SLAIN1: variants seen among roughly 807,000 people sequenced by gnomAD.
The protein encoded by SLAIN1 is SLAIN family member 1.
Under a neutral mutation model 55.4 loss-of-function variants are expected in SLAIN1, and 17 were observed. The observed-to-expected ratio is 0.31, with a 90% CI of 0.21 to 0.46. SLAIN1 has a LOEUF of 0.46. Among genes scored for constraint, SLAIN1 ranks in the 20% least tolerant of loss-of-function variants. The pLI is 1.00. For synonymous variants in SLAIN1, 348 were observed against 337.4 expected, an observed-to-expected ratio of 1.03 and a Z score of -0.35; for missense variants, 682 against 785.1, an observed-to-expected ratio of 0.87 and a Z score of 1.57.
At chr13:77,705,742 A>C (rs1363925095) in intron 1 of SLAIN1, among the ~76,000 whole-genome samples, 1 of 150,594 alleles carries the variant, frequency 6.6e-6, no homozygotes, top group Non-Finnish European at 1.5e-5. Context: ...AGTTTTTTGT[A>C]TTATCTGCAA....
At chr13:77,737,137 C>T (rs112651606) in intron 2 of SLAIN1, among the ~76,000 whole-genome samples, 2 of 152,044 alleles carry the variant, frequency 1.3e-5, no homozygotes, top group African/African-American at 2.4e-5. Context: ...TCTCCATGTG[C>T]GATGGCATCA....
intron 2 of SLAIN1, among the ~76,000 whole-genome samples, chr13:77,727,948 T>G (rs2091323331): frequency 6.6e-6 from 1 of 152,194 alleles, no homozygotes; most frequent in Admixed American, 6.5e-5. Flanking sequence ...CTACTTATAC[T>G]TCATAGAAAA....
At chr13:77,724,031 A>C (rs779352077) in intron 2 of SLAIN1, among the ~76,000 whole-genome samples, 3 of 152,116 alleles carry the variant, frequency 2.0e-5, no homozygotes, top group Non-Finnish European at 4.4e-5. Flanking sequence ...GCATCAGTGA[A>C]CAGCACAGGT....
In SLAIN1 at chr13:77,697,974, C is replaced by A; in HGVS notation, c.61C>A (p.Pro21Thr). ...AGVSSGAGSG[P>T]VVNAELEVKK... is the part of the protein sequence containing the mutation. ...GGTCAGCTCTGGAGCGGGCTCCGGG[C>A]CGGTGGTGAACGCGGAGCTGGAGGT... The change falls in exon 1 of 7, where the codon CCG becomes ACG. Residue 21 changes from proline (P) to threonine (T), a missense_variant. By Grantham distance (38) the Pro-to-Thr change is conservative. Around this residue, in one of 3 missense-constraint regions of SLAIN1, gnomAD observed 401 missense variants for 417.3 expected, o/e 0.96. Coordinates refer to ENST00000418532, the MANE Select transcript of SLAIN1 (RefSeq NM_001242868.2). 6.9e-7 allele frequency: 1 copy of A among 1,449,944 alleles called. No homozygotes were observed. The highest frequency in any genetic ancestry group is 1.3e-5 in the South Asian group (1 of 77,520). The allele number at this position is 1,449,944 out of a possible 1,614,324, so 89.8% of individuals were successfully genotyped here.
At chr13:77,703,390 C>T (rs951213095) in intron 1 of SLAIN1, among the ~76,000 whole-genome samples, 4 of 152,078 alleles carry the variant, frequency 2.6e-5, no homozygotes, top group Admixed American at 2.6e-4. Flanking sequence ...AATTAGACCA[C>T]CTAAACTGTT....
chr13:77,760,802 C>T, intron 5 of SLAIN1, 26 bp from the exon 6 acceptor site: 1 of 1,607,744 alleles, frequency 6.2e-7, no homozygotes, highest in Non-Finnish European at 8.5e-7. Flanking sequence ...GAAGGTTGCT[C>T]ACATGAATAT....
At position 77,698,957 on chromosome 13, in the gene SLAIN1, C is replaced by T; in HGVS notation, c.626+418C>T. On this transcript the variant is annotated intron_variant, in intron 1 of 6. Coordinates refer to ENST00000418532, the MANE Select transcript of SLAIN1 (RefSeq NM_001242868.2). This position sits in a 1 kb window ranked among gnomAD's most constrained non-coding sequence, Gnocchi z 4.1. ...GGTTGGCCTCTGTCTGCGACTGTTA[C>T]TGTTCTTTCGTTTTAAACGAACGCT... 9 of 1,534,324 alleles carry T rather than the reference C, an allele frequency of 5.9e-6. No homozygotes were observed. The highest frequency in any genetic ancestry group is 1.2e-5 in the South Asian group (1 of 83,976).
At chr13:77,719,510 A>T (rs1187458086) in intron 1 of SLAIN1, 22 bp from the exon 2 acceptor site, 1 of 1,587,842 alleles carries the variant, frequency 6.3e-7, no homozygotes. Flanking sequence ...TCATACCTAT[A>T]ATGTAGATTT....
chr13:77,719,596 T>G lies in SLAIN1; in HGVS notation c.691T>G (p.Cys231Gly). The G allele has an allele frequency of 1.2e-6, 2 of 1,613,516 alleles. No individual in the cohort carries two copies. The highest frequency in any genetic ancestry group is 2.2e-5 in the South Asian group (2 of 91,060). Reference protein sequence around the residue: ...SEKSLTPLQWCRHVLDNPTPE... With the variant: ...SEKSLTPLQWGRHVLDNPTPE... ...GAAATCCCTGACTCCTTTGCAGTGG[T>G]GTAGACATGTCCTAGATAACCCAAC... The change falls in exon 2 of 7, where the codon TGT (cysteine) becomes GGT (glycine). Residue 231 changes from cysteine (C) to glycine (G), a missense_variant. By Grantham distance (159) the Cys-to-Gly change is radical. This residue lies in a region of SLAIN1 where 401 missense variants were observed against 417.3 expected (regional missense o/e 0.96). Coordinates refer to ENST00000418532, the MANE Select transcript of SLAIN1 (RefSeq NM_001242868.2).
At chr13:77,750,442 G>A (rs974914504) in intron 4 of SLAIN1, among the ~76,000 whole-genome samples, 1 of 152,034 alleles carries the variant, frequency 6.6e-6, no homozygotes, top group Non-Finnish European at 1.5e-5. Context: ...TACTGATAGA[G>A]GCTGTCTTTT....
chr13:77,718,579 G>A (rs1029386395), intron 1 of SLAIN1, among the ~76,000 whole-genome samples: 1 of 152,154 alleles, frequency 6.6e-6, no homozygotes, highest in African/African-American at 2.4e-5. Flanking sequence ...AACAGTGAAA[G>A]TATGAATAAT....
chr13:77,747,935 A>G (rs1873949287), intron 4 of SLAIN1, among the ~76,000 whole-genome samples: 1 of 152,144 alleles, frequency 6.6e-6, no homozygotes, highest in African/African-American at 2.4e-5. Context: ...ACTAATGATC[A>G]CCTGAACCCT....
intron 2 of SLAIN1, among the ~76,000 whole-genome samples, chr13:77,732,296 T>C (rs1050939013): frequency 1.3e-5 from 2 of 152,192 alleles, no homozygotes; most frequent in Non-Finnish European, 2.9e-5. Context: ...AGACTCTTAG[T>C]AAAAATCTAG....
intron 2 of SLAIN1, among the ~76,000 whole-genome samples, chr13:77,734,101 A>G (rs1456791228): frequency 1.3e-5 from 2 of 152,132 alleles, no homozygotes; most frequent in Non-Finnish European, 2.9e-5. Context: ...AAGGATTTCT[A>G]TAGGCTCTAA....
intron 3 of SLAIN1, among the ~76,000 whole-genome samples, chr13:77,745,987 G>GA (rs1873785406): frequency 6.6e-6 from 1 of 152,052 alleles, no homozygotes; most frequent in Admixed American, 6.6e-5. Context: ...AGTGTGCTTT[G>GA]AAAGAGATAA....
chr13:77,749,806 G>A (rs552467808), intron 4 of SLAIN1, among the ~76,000 whole-genome samples: 2 of 152,256 alleles, frequency 1.3e-5, no homozygotes, highest in South Asian at 2.1e-4. Context: ...TTGTTCCAAG[G>A]GGAATAGTGT....
Position 77,701,581 on chromosome 13 carries a change from A to T in SLAIN1, c.626+3042A>T, listed in dbSNP as rs942717336. On this transcript the variant is annotated intron_variant, in intron 1 of 6. Coordinates refer to ENST00000418532, the MANE Select transcript of SLAIN1 (RefSeq NM_001242868.2). ...TCTCCCTTTTGACAAAAAAGCTTTG[A>T]TGAAACAATTTTCTTATTTCTTTGA... is the stretch of plus-strand genomic sequence containing the variant. Among the ~76,000 whole-genome samples the T allele has an allele frequency of 2.6e-5, 4 of 152,118 alleles. No individual in the cohort carries two copies. In the South Asian group the frequency reaches 8.3e-4, roughly 32 times the overall value.
intron 1 of SLAIN1, among the ~76,000 whole-genome samples, chr13:77,712,835 C>T (rs1449681943): frequency 6.6e-6 from 1 of 152,154 alleles, no homozygotes; most frequent in Non-Finnish European, 1.5e-5. Flanking sequence ...GTAACCAAAA[C>T]AGCATGGTAC....
intron 1 of SLAIN1, among the ~76,000 whole-genome samples, chr13:77,707,114 T>C (rs1197390409): frequency 6.6e-6 from 1 of 152,014 alleles, no homozygotes; most frequent in African/African-American, 2.4e-5. Flanking sequence ...CCAGTTTCTT[T>C]CTTTTCTTTC....
Sources: gnomAD v4.1 joint callset for allele counts (sites outside exome capture counted in the v4.1 genomes callset) on GRCh38, gnomAD v4.1.1 for gene constraint, gnomAD v4.1.1 regional missense constraint, Gnocchi (gnomAD v3.1) non-coding constraint, MANE v1.5 for transcripts, NCBI Gene and HGNC (gene_info 2026-07-23, HGNC 2026-07-21) for gene names.